Variants in MACC1 observed in about 807,000 individuals in gnomAD.
The protein encoded by MACC1 is metastasis-associated in colon cancer protein 1.
A neutral mutation model predicts 70.7 loss-of-function variants in MACC1; 79 were observed. The observed-to-expected ratio is 1.12, with a 90% CI of 0.93 to 1.35. MACC1 has a LOEUF of 1.35. MACC1 is among the 40% of genes most tolerant of loss of function. The pLI is 0.00. For synonymous variants in MACC1, 361 were observed against 347.2 expected, an observed-to-expected ratio of 1.04 and a Z score of -0.44; for missense variants, 1,106 against 978.1, an observed-to-expected ratio of 1.13 and a Z score of -1.74.
chr7:20,194,211 TG>T (rs1782715459), intron 1 of MACC1, among the ~76,000 whole-genome samples: 1 of 152,198 alleles, frequency 6.6e-6, no homozygotes, highest in Admixed American at 6.5e-5. Flanking sequence ...GAGGGGTTTT[TG>T]CCGCTTTTTT....
chr7:20,159,794 G>C lies in MACC1; in HGVS notation c.567C>G (p.Ala189=), dbSNP rs1782114704. Residue 189 remains alanine (A), a synonymous_variant, in exon 5 of 7, where the codon GCC becomes GCG. Transcript: ENST00000400331. ...KMAWLSQRQL[A]RSCLDLNTIS... ...TTGTATTCAAATCAAGGCAGGAGCGGGCCAGCTGGCGTTGACTTAACCAAG... is the reference window on the plus strand; with the variant it reads ...TTGTATTCAAATCAAGGCAGGAGCGCGCCAGCTGGCGTTGACTTAACCAAG... 2 of 1,613,938 alleles carry C rather than the reference G, an allele frequency of 1.2e-6. No individual in the cohort carries two copies. Among genetic ancestry groups the C allele is most frequent in the Non-Finnish European group, 1.7e-6 (2 of 1,180,030 alleles).
At chr7:20,145,332 G>T (rs927573754) in intron 6 of MACC1, among the ~76,000 whole-genome samples, 1 of 152,092 alleles carries the variant, frequency 6.6e-6, no homozygotes, top group Admixed American at 6.6e-5. Flanking sequence ...CAAGAGAATA[G>T]TCGGGGGCAT....
intron 5 of MACC1, among the ~76,000 whole-genome samples, chr7:20,155,352 A>G (rs533534035): frequency 6.6e-6 from 1 of 152,332 alleles, no homozygotes; most frequent in South Asian, 2.1e-4. Flanking sequence ...ATACACACCT[A>G]TGGAAAAGTT....
At chr7:20,143,514 A>C (rs10479783) in intron 6 of MACC1, among the ~76,000 whole-genome samples, 2 of 151,830 alleles carry the variant, frequency 1.3e-5, no homozygotes, top group South Asian at 4.2e-4. Flanking sequence ...TCAGCCTCCC[A>C]AGTAGCTGGA....
At chr7:20,205,940 T>G (rs1484008601) in intron 1 of MACC1, among the ~76,000 whole-genome samples, 2 of 152,132 alleles carry the variant, frequency 1.3e-5, no homozygotes, top group Non-Finnish European at 2.9e-5. Flanking sequence ...ATATATCTCT[T>G]CTTCCTTATC....
intron 1 of MACC1, among the ~76,000 whole-genome samples, chr7:20,197,705 C>G (rs1196065418): frequency 6.6e-6 from 1 of 152,202 alleles, no homozygotes; most frequent in Admixed American, 6.5e-5. Flanking sequence ...CAGACAAACT[C>G]TGCATAGATC....
intron 3 of MACC1, among the ~76,000 whole-genome samples, 196 bp downstream of exon 3, chr7:20,164,060 C>CA (rs1392212679): frequency 2.0e-5 from 3 of 152,174 alleles, no homozygotes; most frequent in Non-Finnish European, 4.4e-5. Context: ...CCTGAGCCTC[C>CA]AGAGTAGCCG....
rs1220301090 is a variant in MACC1 at position 20,156,605 on chromosome 7, C to G, written c.2157+1599G>C. Among the ~76,000 whole-genome samples, 3 of 152,206 alleles carry G rather than the reference C, an allele frequency of 2.0e-5. No individual in the cohort carries two copies. In the East Asian group the frequency reaches 5.8e-4, roughly 29 times the overall value. On this transcript the variant is annotated intron_variant, in intron 5 of 6. Transcript: ENST00000400331. ...TTCCACCAGGTAGAGCAGCTTCTAA[C>G]ATTCAGTCTCCAATAGTTCTGAATG... is the stretch of plus-strand genomic sequence containing the variant.
chr7:20,183,735 G>T (rs993881999), intron 1 of MACC1, among the ~76,000 whole-genome samples: 1 of 145,168 alleles, frequency 6.9e-6, no homozygotes, highest in Non-Finnish European at 1.5e-5. Flanking sequence ...TTGAGGGAGA[G>T]TCTCACTCTG....
chr7:20,143,412 G>A (rs888479133), intron 6 of MACC1, among the ~76,000 whole-genome samples: 11 of 152,092 alleles, frequency 7.2e-5, no homozygotes, highest in Admixed American at 6.5e-5. Flanking sequence ...TTTTGGAGAC[G>A]GAGTCTGGCT....
chr7:20,181,765 A>G (rs919894632), intron 1 of MACC1, among the ~76,000 whole-genome samples: 1 of 152,130 alleles, frequency 6.6e-6, no homozygotes, highest in Non-Finnish European at 1.5e-5. Context: ...ACAGTAACCA[A>G]AGGGCTCATA....
rs1288347189 is a variant in MACC1, at chr7:20,135,032, A to G, written c.*5914T>C. On this transcript the variant is annotated 3_prime_UTR_variant, in exon 7 of 7. Transcript: ENST00000400331. ...TCTACAGTGAAAGCAGGGCATATAG[A>G]TAGCTGTATTGATCACATTGATTAA... 1 of 152,342 alleles carries G rather than the reference A, an allele frequency of 6.6e-6. No individual in the cohort carries two copies. Among genetic ancestry groups the G allele is most frequent in the East Asian group, 1.9e-4 (1 of 5,190 alleles). The allele number at this position is 152,342 out of a possible 1,614,324, so 9.4% of individuals were successfully genotyped here. A position where few individuals can be genotyped will look rare whatever the true frequency, so the allele number is the denominator to read the frequency against.
intron 4 of MACC1, among the ~76,000 whole-genome samples, chr7:20,161,034 A>T (rs920818657): frequency 1.3e-5 from 2 of 152,140 alleles, no homozygotes; most frequent in African/African-American, 4.8e-5. Flanking sequence ...TTGTAACATT[A>T]AAATATTTAC....
intron 2 of MACC1, among the ~76,000 whole-genome samples, chr7:20,167,084 A>G (rs915171137): frequency 6.6e-6 from 1 of 152,156 alleles, no homozygotes; most frequent in African/African-American, 2.4e-5. Flanking sequence ...GCTATTATTC[A>G]TTATTTATTT....
At chr7:20,191,161 A>G (rs1782666640) in intron 1 of MACC1, among the ~76,000 whole-genome samples, 1 of 152,210 alleles carries the variant, frequency 6.6e-6, no homozygotes, top group South Asian at 2.1e-4. Context: ...AGAGGGGACT[A>G]TTTACAAAAT....
rs563591400 is a variant in MACC1, at chr7:20,196,996, A to C, written c.-218+20303T>G. On this transcript the variant is annotated intron_variant, in intron 1 of 6. Transcript: ENST00000400331. ...TCATTGTCTTTTGTAAGTTTGAAAA[A>C]TGACATACGATGAAGTTGCAAATTA... Among the ~76,000 whole-genome samples, 3 of 152,302 alleles carry C rather than the reference A, an allele frequency of 2.0e-5. No homozygotes were observed. The East Asian group carries it at 5.8e-4, about 29-fold the overall frequency.
intron 4 of MACC1, among the ~76,000 whole-genome samples, chr7:20,161,192 A>G (rs1212393926): frequency 6.6e-6 from 1 of 152,118 alleles, no homozygotes; most frequent in Non-Finnish European, 1.5e-5. Context: ...AGAGACAGGC[A>G]GAAGAGCCAA....
intron 1 of MACC1, among the ~76,000 whole-genome samples, chr7:20,189,415 T>C (rs920993163): frequency 2.0e-5 from 3 of 152,218 alleles, no homozygotes; most frequent in Non-Finnish European, 4.4e-5. Flanking sequence ...AATAAATAAT[T>C]GTGGAATGAC....
intron 1 of MACC1, among the ~76,000 whole-genome samples, chr7:20,177,212 C>T (rs3114447): frequency 0.63 from 96,023 of 151,914 alleles, 31,824 homozygotes; most frequent in East Asian, 0.9. Flanking sequence ...GTCAAAAAAC[C>T]GGAAATACAC....
Sources: gnomAD v4.1 joint callset for allele counts (sites outside exome capture counted in the v4.1 genomes callset) on GRCh38, gnomAD v4.1.1 for gene constraint, MANE v1.5 for transcripts, NCBI Gene and HGNC (gene_info 2026-07-23, HGNC 2026-07-21) for gene names.